The following JMJD1C variants were observed in gnomAD, a reference collection of about 807,000 sequenced individuals.
The protein encoded by JMJD1C is jumonji domain containing 1C, also known as jumonji domain-containing protein 1C.
Under a neutral mutation model 245.3 loss-of-function variants are expected in JMJD1C, and 31 were observed. The ratio of observed to expected loss-of-function variants is 0.13; its 90% CI spans 0.09 to 0.17. JMJD1C has a LOEUF of 0.17. JMJD1C is among the 10% of genes least tolerant of loss of function. JMJD1C has a pLI of 1.00. For synonymous variants in JMJD1C, 1,057 were observed against 1,017.4 expected (o/e 1.04, Z -0.74); for missense variants, 2,691 against 3,000.2 (o/e 0.90, Z 2.41).
intron 1 of JMJD1C, among the ~76,000 whole-genome samples, chr10:63,476,509 G>A (rs1389296713): frequency 6.6e-6 from 1 of 151,886 alleles, no homozygotes; most frequent in African/African-American, 2.4e-5. Context: ...GATCAGCTGA[G>A]GCCAAGAGTT....
intron 2 of JMJD1C, among the ~76,000 whole-genome samples, chr10:63,287,936 G>C (rs552345473): frequency 6.6e-6 from 1 of 152,020 alleles, no homozygotes; most frequent in Admixed American, 6.6e-5. Flanking sequence ...CAGTAGAGAC[G>C]GAGTTTTGCC....
chr10:63,473,813 C>T (rs902518425), intron 1 of JMJD1C, among the ~76,000 whole-genome samples: 8 of 151,610 alleles, frequency 5.3e-5, no homozygotes, highest in African/African-American at 1.2e-4. Context: ...GAGGCCAAGG[C>T]GGGCGGATCA....
intron 2 of JMJD1C, among the ~76,000 whole-genome samples, chr10:63,364,036 T>TA (rs1564836564): frequency 5.1e-5 from 7 of 136,710 alleles, no homozygotes; most frequent in African/African-American, 1.5e-4. Context: ...TTGTATATAT[T>TA]TTTTTTTACG....
At chr10:63,209,637 T>C (rs900985526) in intron 8 of JMJD1C, among the ~76,000 whole-genome samples, 5 of 152,176 alleles carry the variant, frequency 3.3e-5, no homozygotes, top group African/African-American at 4.8e-5. Context: ...ATAGAAATTA[T>C]AACCAAATTC....
intron 1 of JMJD1C, among the ~76,000 whole-genome samples, chr10:63,448,226 C>T (rs1176155300): frequency 1.3e-5 from 2 of 151,944 alleles, no homozygotes; most frequent in Non-Finnish European, 2.9e-5. Context: ...GTACAATCTC[C>T]CCTCACTGCA....
At chr10:63,462,653 CAG>C (rs1436400191) in intron 1 of JMJD1C, among the ~76,000 whole-genome samples, 1 of 152,112 alleles carries the variant, frequency 6.6e-6, no homozygotes, top group Non-Finnish European at 1.5e-5. Context: ...GAAAAACGGT[CAG>C]AGAGATACAA....
In JMJD1C at chr10:63,333,546, AAGAG is replaced by A. The variant is rs1188821816; in HGVS notation, c.333+46768_333+46771del. Among the ~76,000 whole-genome samples, 9 of 152,280 alleles carry A rather than the reference AAGAG, an allele frequency of 5.9e-5. No homozygotes were observed. The East Asian group carries it at 1.2e-3, about 20-fold the overall frequency. On this transcript the variant is annotated intron_variant, in intron 2 of 25. Coordinates refer to ENST00000399262, the MANE Select transcript of JMJD1C (RefSeq NM_032776.3). ...AGACCCTATCTCAAAAAAAAGAAAA[AAGAG>A]AGAGAAAGAAAGGCAAAACACTATT...
chr10:63,402,133 C>CAAAAAA (rs35050584), intron 1 of JMJD1C, among the ~76,000 whole-genome samples: 2 of 83,512 alleles, frequency 2.4e-5, no homozygotes, highest in East Asian at 6.3e-4. Flanking sequence ...AACTCCGTCT[C>CAAAAAA]AAAAAAAAAG....
chr10:63,223,762 G>A (rs549115988), intron 3 of JMJD1C, among the ~76,000 whole-genome samples: 1 of 149,556 alleles, frequency 6.7e-6, no homozygotes, highest in East Asian at 1.9e-4. Flanking sequence ...TTTTTGTTTT[G>A]TTTTGTTTTG....
In JMJD1C at chr10:63,185,746, G is replaced by A. The variant is rs1844055952; in HGVS notation, c.6740-93C>T. ...AGAAACGTAAATGAATGAATGATTT[G>A]ATTGTTGCACATTACATGCTTAATG... On this transcript the variant is annotated intron_variant, in intron 19 of 25. Transcript: ENST00000399262. 2.1e-5 allele frequency: 16 copies of A among 759,386 alleles called. No individual in the cohort carries two copies. In the South Asian group the frequency reaches 2.3e-4, roughly 11 times the overall value. The allele number at this position is 759,386 out of a possible 1,614,324, so 47.0% of individuals were successfully genotyped here.
intron 22 of JMJD1C, 86 bp from the exon 23 acceptor site, chr10:63,177,942 A>G: frequency 7.2e-7 from 1 of 1,380,330 alleles, no homozygotes; most frequent in Non-Finnish European, 9.9e-7. Flanking sequence ...AGAGCAGCAG[A>G]GTGCCTGACT....
intron 1 of JMJD1C, among the ~76,000 whole-genome samples, chr10:63,452,157 AC>A (rs1302995419): frequency 6.6e-6 from 1 of 152,210 alleles, no homozygotes; most frequent in Non-Finnish European, 1.5e-5. Flanking sequence ...TGAAAAGGCA[AC>A]CCACAGAATA....
At chr10:63,221,179 A>G (rs1848561523) in intron 3 of JMJD1C, among the ~76,000 whole-genome samples, 1 of 152,098 alleles carries the variant, frequency 6.6e-6, no homozygotes, top group Non-Finnish European at 1.5e-5. Context: ...TAAGTGAACT[A>G]TATCTGATGA....
rs1224146329 is a variant in JMJD1C at position 63,232,060 on chromosome 10, A to G, written c.448-12077T>C. 4.6e-5 allele frequency among the ~76,000 whole-genome samples: 7 copies of G among 152,240 alleles called. No homozygotes were observed. The South Asian group carries it at 1.5e-3, about 32-fold the overall frequency. Reference sequence around the variant, plus strand: ...ACCATGTTGGCCAGGCTGGTCTTGAATTCCTGACCTCATGTGATCCACCTG... The same window carrying G: ...ACCATGTTGGCCAGGCTGGTCTTGAGTTCCTGACCTCATGTGATCCACCTG... On this transcript the variant is annotated intron_variant, in intron 3 of 25. Coordinates refer to ENST00000399262, the MANE Select transcript of JMJD1C (RefSeq NM_032776.3).
chr10:63,409,330 C>A (rs994880448), intron 1 of JMJD1C, among the ~76,000 whole-genome samples: 1 of 152,142 alleles, frequency 6.6e-6, no homozygotes, highest in African/African-American at 2.4e-5. Context: ...GTTTATTAAG[C>A]CAGCTTTAGG....
chr10:63,475,976 A>T (rs1465961610), intron 1 of JMJD1C, among the ~76,000 whole-genome samples: 1 of 152,078 alleles, frequency 6.6e-6, no homozygotes, highest in Non-Finnish European at 1.5e-5. Flanking sequence ...TGGGAGGCTG[A>T]AGTGGGTGGA....
intron 1 of JMJD1C, among the ~76,000 whole-genome samples, chr10:63,402,792 T>A (rs1231894027): frequency 6.6e-6 from 1 of 152,172 alleles, no homozygotes; most frequent in South Asian, 2.1e-4. Flanking sequence ...GAATAACATG[T>A]TAAAAACCTC....
chr10:63,347,319 C>T (rs1220464766), intron 2 of JMJD1C, among the ~76,000 whole-genome samples: 4 of 151,982 alleles, frequency 2.6e-5, no homozygotes, highest in Non-Finnish European at 4.4e-5. Context: ...TGTGGTGGCT[C>T]ACGCCTGTAA....
chr10:63,369,077 C>T (rs1189105886), intron 2 of JMJD1C, among the ~76,000 whole-genome samples: 2 of 151,978 alleles, frequency 1.3e-5, no homozygotes, highest in Non-Finnish European at 2.9e-5. Flanking sequence ...TAACCATCAA[C>T]TAATTTTTCT....
Sources: gnomAD v4.1 joint callset for allele counts (sites outside exome capture counted in the v4.1 genomes callset) on GRCh38, gnomAD v4.1.1 for gene constraint, MANE v1.5 for transcripts, NCBI Gene and HGNC (gene_info 2026-07-23, HGNC 2026-07-21) for gene names.